Variants in STARD13 observed in about 807,000 individuals in gnomAD.
STARD13 encodes the protein StAR related lipid transfer domain containing 13.
A neutral mutation model predicts 106.4 loss-of-function variants in STARD13; 62 were observed. The ratio of observed to expected loss-of-function variants is 0.58; its 90% CI spans 0.48 to 0.72. STARD13 has a LOEUF of 0.72. Among genes scored for constraint, STARD13 ranks in the 30% least tolerant of loss-of-function variants. STARD13 has a pLI of 0.00. For missense variants in STARD13, 1,387 were observed against 1,424.0 expected (o/e 0.97, Z 0.42); for synonymous variants, 565 against 553.0 (o/e 1.02, Z -0.31).
the STARD13 span, among the ~76,000 whole-genome samples, chr13:33,408,152 T>C: frequency 2.6e-5 from 4 of 152,180 alleles, no homozygotes; most frequent in African/African-American, 9.7e-5. Context: ...AAATTTGTAA[T>C]TGTGGTAACT....
chr13:33,438,044 A>C, the STARD13 span, among the ~76,000 whole-genome samples: 7 of 152,334 alleles, frequency 4.6e-5, no homozygotes, highest in South Asian at 4.1e-4. Context: ...CCTCACAGAG[A>C]TGTAATTTGT....
At chr13:33,557,243 A>C in the STARD13 span, among the ~76,000 whole-genome samples, 11 of 151,480 alleles carry the variant, frequency 7.3e-5, no homozygotes, top group Non-Finnish European at 1.3e-4. Context: ...AGTTAGGATA[A>C]TGTGTTGCTT....
chr13:33,310,131 G>A (rs1329252396), intron 1 of STARD13, among the ~76,000 whole-genome samples: 1 of 152,126 alleles, frequency 6.6e-6, no homozygotes, highest in African/African-American at 2.4e-5. Context: ...CAAGTTAGAC[G>A]GCAGCAGGCA....
the STARD13 span, among the ~76,000 whole-genome samples, chr13:33,604,629 T>C: frequency 6.6e-6 from 1 of 151,770 alleles, no homozygotes; most frequent in Non-Finnish European, 1.5e-5. Flanking sequence ...AAACCCCGTC[T>C]TTACTAAAAA....
intron 2 of STARD13, among the ~76,000 whole-genome samples, 163 bp from the exon 3 acceptor site, chr13:33,165,581 A>G (rs1407620250): frequency 6.6e-6 from 1 of 152,224 alleles, no homozygotes; most frequent in African/African-American, 2.4e-5. Flanking sequence ...CTATCACTGT[A>G]AATGCTTTTA....
intron 1 of STARD13, among the ~76,000 whole-genome samples, chr13:33,172,291 T>C (rs1884050993): frequency 6.6e-6 from 1 of 152,254 alleles, no homozygotes; most frequent in Non-Finnish European, 1.5e-5. Flanking sequence ...AAATATTTGA[T>C]TTTTGAATAC....
chr13:33,283,271 T>G (rs141564952), intron 1 of STARD13, among the ~76,000 whole-genome samples: 5 of 152,150 alleles, frequency 3.3e-5, no homozygotes, highest in African/African-American at 4.8e-5. Flanking sequence ...CAATCATAGG[T>G]TCAGTACTTT....
At chr13:33,674,938 GT>G in the STARD13 span, among the ~76,000 whole-genome samples, 31 of 152,176 alleles carry the variant, frequency 2.0e-4, no homozygotes, top group Non-Finnish European at 4.4e-4. Context: ...GTGGAGAAAT[GT>G]TGTCAAGTTA....
chr13:33,625,494 C>T, the STARD13 span, among the ~76,000 whole-genome samples: 14 of 151,868 alleles, frequency 9.2e-5, no homozygotes, highest in Admixed American at 5.9e-4. Flanking sequence ...CACTTGAACC[C>T]GGGAGGCAGA....
chr13:33,462,136 T>C, the STARD13 span, among the ~76,000 whole-genome samples: 29 of 152,224 alleles, frequency 1.9e-4, no homozygotes, highest in African/African-American at 6.5e-4. Context: ...ATTCGTTTAT[T>C]CTGCCATTTG....
chr13:33,670,289 C>T, the STARD13 span, among the ~76,000 whole-genome samples: 1 of 152,176 alleles, frequency 6.6e-6, no homozygotes, highest in Non-Finnish European at 1.5e-5. Flanking sequence ...GAAAATCCTT[C>T]ATGGTATCAT....
the STARD13 span, among the ~76,000 whole-genome samples, chr13:33,414,293 C>G: frequency 1.3e-5 from 2 of 152,060 alleles, no homozygotes; most frequent in African/African-American, 4.8e-5. Flanking sequence ...AATTGTTTTC[C>G]TATGCATTTA....
the STARD13 span, among the ~76,000 whole-genome samples, chr13:33,627,326 A>G: frequency 6.6e-6 from 1 of 152,190 alleles, no homozygotes; most frequent in Admixed American, 6.5e-5. Flanking sequence ...AGATAGGTAC[A>G]TCTATGCTAT....
intron 1 of STARD13, among the ~76,000 whole-genome samples, chr13:33,322,643 A>C (rs1198818157): frequency 1.3e-5 from 2 of 152,262 alleles, no homozygotes; most frequent in East Asian, 3.8e-4. Context: ...CTGCAGACGC[A>C]TTATTCAGCT....
At chr13:33,187,088 C>G (rs545884330) in intron 1 of STARD13, among the ~76,000 whole-genome samples, 1 of 152,304 alleles carries the variant, frequency 6.6e-6, no homozygotes, top group African/African-American at 2.4e-5. Flanking sequence ...CTCTCACTAC[C>G]CAGACACCTG....
the STARD13 span, among the ~76,000 whole-genome samples, chr13:33,514,537 C>T: frequency 6.6e-6 from 1 of 151,982 alleles, no homozygotes; most frequent in East Asian, 1.9e-4. Context: ...GAGCAGTTTC[C>T]TTAAAGACTC....
At chr13:33,333,139 C>T (rs2138565922) in intron 1 of STARD13, among the ~76,000 whole-genome samples, 1 of 152,216 alleles carries the variant, frequency 6.6e-6, no homozygotes, top group South Asian at 2.1e-4. Flanking sequence ...CTTGTAATCC[C>T]AGCACTTTGG....
At chr13:33,548,564 A>G in the STARD13 span, among the ~76,000 whole-genome samples, 1 of 152,328 alleles carries the variant, frequency 6.6e-6, no homozygotes, top group Middle Eastern at 3.4e-3. Flanking sequence ...CTCTCAGGAA[A>G]CATCAAAGGT....
the STARD13 span, among the ~76,000 whole-genome samples, chr13:33,638,513 A>T: frequency 6.6e-6 from 1 of 152,236 alleles, no homozygotes; most frequent in African/African-American, 2.4e-5. Flanking sequence ...AAATCAATAG[A>T]AAAGAGTGTC....
Sources: allele counts gnomAD v4.1 joint callset (sites outside exome capture counted in the v4.1 genomes callset), GRCh38; gene constraint gnomAD v4.1.1; transcripts MANE v1.5; gene names NCBI Gene and HGNC (gene_info 2026-07-23, HGNC 2026-07-21).